CACHD1: variants seen among roughly 807,000 people sequenced by gnomAD.
CACHD1 encodes the protein cache domain containing 1, also known as VWFA and cache domain-containing protein 1.
CACHD1 carries 71 observed loss-of-function variants against 138.7 expected under a neutral mutation model. That is an observed-to-expected ratio of 0.51 (90% CI 0.42 to 0.62). The LOEUF (loss-of-function observed/expected upper bound fraction) is 0.62, where lower values mean the gene tolerates loss of function less well. CACHD1 is among the 20% of genes least tolerant of loss of function. The probability of loss-of-function intolerance (pLI) is 0.00; values close to 1 mark genes in which losing one functional copy is unlikely to be tolerated. For missense variants in CACHD1, 1,389 were observed against 1,625.3 expected, an observed-to-expected ratio of 0.85 and a Z score of 2.50; for synonymous variants, 578 against 591.5, an observed-to-expected ratio of 0.98 and a Z score of 0.33.
intron 8 of CACHD1, among the ~76,000 whole-genome samples, chr1:64,643,560 A>G (rs1032638119): frequency 6.6e-6 from 1 of 152,194 alleles, no homozygotes; most frequent in Admixed American, 6.5e-5. Context: ...TCAAAGACCG[A>G]GCTCGGTGGC....
intron 26 of CACHD1, among the ~76,000 whole-genome samples, chr1:64,684,291 A>T (rs906322826): frequency 1.4e-5 from 2 of 144,066 alleles, no homozygotes; most frequent in Admixed American, 1.4e-4. Flanking sequence ...TGTGGTAAAA[A>T]TTTTTTTTGG....
intron 26 of CACHD1, among the ~76,000 whole-genome samples, chr1:64,687,955 C>T (rs1244956839): frequency 6.6e-6 from 1 of 151,838 alleles, no homozygotes; most frequent in East Asian, 1.9e-4. Flanking sequence ...AAGAGATGTG[C>T]ACAGAATGCA....
intron 1 of CACHD1, among the ~76,000 whole-genome samples, chr1:64,530,608 C>T (rs528507777): frequency 1.4e-4 from 22 of 152,064 alleles, no homozygotes; most frequent in Middle Eastern, 3.4e-3. Flanking sequence ...CGGTGGCTCA[C>T]GCCTGTAATC....
At chr1:64,586,460 A>C (rs1240487676) in intron 3 of CACHD1, among the ~76,000 whole-genome samples, 1 of 152,206 alleles carries the variant, frequency 6.6e-6, no homozygotes, top group Admixed American at 6.5e-5. Context: ...GAGGAAAGGA[A>C]GATCTCCTAG....
At chr1:64,498,175 A>G (rs1000474734) in intron 1 of CACHD1, among the ~76,000 whole-genome samples, 2 of 152,116 alleles carry the variant, frequency 1.3e-5, no homozygotes, top group African/African-American at 2.4e-5. Flanking sequence ...CTAACAGACA[A>G]TTAAACAAGA....
intron 4 of CACHD1, among the ~76,000 whole-genome samples, chr1:64,615,247 G>T (rs1436759): frequency 0.01 from 1,541 of 152,282 alleles, 26 homozygotes; most frequent in African/African-American, 0.035. Context: ...GTTGTAACAG[G>T]TTGGCTTTCT....
intron 1 of CACHD1, among the ~76,000 whole-genome samples, chr1:64,480,647 C>T (rs952654742): frequency 4.0e-5 from 6 of 151,570 alleles, no homozygotes; most frequent in Non-Finnish European, 7.4e-5. Context: ...TCATTGCGAA[C>T]CAGTACCATC....
chr1:64,522,533 C>T (rs1321490947), intron 1 of CACHD1, among the ~76,000 whole-genome samples: 1 of 148,752 alleles, frequency 6.7e-6, no homozygotes, highest in Non-Finnish European at 1.5e-5. Flanking sequence ...CAACTCCTGA[C>T]CTCAAGTGAT....
Position 64,629,496 on chromosome 1 carries a change from A to C in CACHD1, c.644+15A>C, listed in dbSNP as rs778379652. ...CACCGCAGTAGGTATGTTGACTTGC[A>C]TGCTAAAGTTTTTAATTATTGCTTA... On this transcript the variant is annotated intron_variant, in intron 5 of 26. Coordinates refer to ENST00000651257, the MANE Select transcript of CACHD1 (RefSeq NM_020925.4). 6 of 1,610,524 alleles carry C rather than the reference A, an allele frequency of 3.7e-6. No homozygotes were observed. The highest frequency in any genetic ancestry group is 5.1e-6 in the Non-Finnish European group (6 of 1,178,772).
intron 9 of CACHD1, 51 bp from the exon 10 acceptor site, chr1:64,652,110 T>A (rs1312729505): frequency 2.0e-6 from 3 of 1,500,946 alleles, no homozygotes; most frequent in Non-Finnish European, 2.7e-6. Flanking sequence ...CCAGTCTTTG[T>A]CCAATTCCTT....
intron 1 of CACHD1, among the ~76,000 whole-genome samples, chr1:64,531,908 C>T (rs539934291): frequency 3.3e-4 from 50 of 152,086 alleles, no homozygotes; most frequent in Non-Finnish European, 4.9e-4. Context: ...ATCACTACAC[C>T]GTATATTAAA....
At chr1:64,629,530 C>A (rs199765220) in intron 5 of CACHD1, 49 bp downstream of exon 5, 110 of 1,581,510 alleles carry the variant, frequency 7.0e-5, no homozygotes, top group Non-Finnish European at 7.7e-5. Context: ...TAAGAGTGAT[C>A]TACATGAAAT....
At chr1:64,618,075 A>G (rs942984748) in intron 4 of CACHD1, among the ~76,000 whole-genome samples, 1 of 62,566 alleles carries the variant, frequency 1.6e-5, no homozygotes, top group Admixed American at 2.1e-4. Context: ...AGTGAAACTC[A>G]GTCTCAAAAA....
At chr1:64,489,815 G>C (rs1002709765) in intron 1 of CACHD1, among the ~76,000 whole-genome samples, 1 of 152,208 alleles carries the variant, frequency 6.6e-6, no homozygotes, top group South Asian at 2.1e-4. Flanking sequence ...AGTCCTGGGT[G>C]TGTGGGGATG....
At chr1:64,684,034 A>G (rs1372324901) in intron 26 of CACHD1, among the ~76,000 whole-genome samples, 2 of 152,244 alleles carry the variant, frequency 1.3e-5, no homozygotes, top group African/African-American at 4.8e-5. Flanking sequence ...CACTTCGCAT[A>G]TACTACAGGG....
chr1:64,662,177 A>T (rs528333516), intron 13 of CACHD1, among the ~76,000 whole-genome samples: 80 of 152,270 alleles, frequency 5.3e-4, no homozygotes, highest in African/African-American at 1.8e-3. Flanking sequence ...ACTCTAATAA[A>T]TTTTTTACTC....
chr1:64,504,532 T>A (rs958921106), intron 1 of CACHD1, among the ~76,000 whole-genome samples: 3 of 152,222 alleles, frequency 2.0e-5, no homozygotes, highest in Non-Finnish European at 4.4e-5. Context: ...TGGATTTACC[T>A]GTTGGGTTTA....
chr1:64,589,485 T>TGCGTGCGTGTGTGTGTGTAC (rs1553136366), intron 3 of CACHD1, among the ~76,000 whole-genome samples: 1 of 151,986 alleles, frequency 6.6e-6, no homozygotes, highest in African/African-American at 2.4e-5. Flanking sequence ...TGTGTGTGTG[T>TGCGTGCGTGTGTGTGTGTAC]GCGTGCGTGT....
At chr1:64,666,788 C>G (rs969092825) in intron 16 of CACHD1, among the ~76,000 whole-genome samples, 2 of 143,566 alleles carry the variant, frequency 1.4e-5, no homozygotes, top group African/African-American at 2.6e-5. Context: ...AGGCAGGAGG[C>G]TAGCACCCTG....
Sources: gnomAD v4.1 joint callset for allele counts (sites outside exome capture counted in the v4.1 genomes callset) on GRCh38, gnomAD v4.1.1 for gene constraint, MANE v1.5 for transcripts, NCBI Gene and HGNC (gene_info 2026-07-23, HGNC 2026-07-21) for gene names.